The following ANKRD36C variants were observed in gnomAD, a reference collection of about 807,000 sequenced individuals.
ANKRD36C encodes the protein ankyrin repeat domain-containing protein 36C.
Under a neutral mutation model 276.4 loss-of-function variants are expected in ANKRD36C, and 61 were observed. That is an observed-to-expected ratio of 0.22 (90% CI 0.18 to 0.27). The LOEUF is 0.27. ANKRD36C is among the 10% of genes least tolerant of loss of function. The pLI, the probability that ANKRD36C is intolerant of heterozygous loss-of-function variation, is 1.00. For synonymous variants in ANKRD36C, 483 were observed against 680.1 expected, an observed-to-expected ratio of 0.71 and a Z score of 4.51; for missense variants, 1,447 against 2,032.3, an observed-to-expected ratio of 0.71 and a Z score of 5.54.
At chr2:95,913,904 T>C (rs1677009305) in intron 40 of ANKRD36C, among the ~76,000 whole-genome samples, 1 of 151,444 alleles carries the variant, frequency 6.6e-6, no homozygotes, top group Admixed American at 6.6e-5. Flanking sequence ...AGTTTCAATG[T>C]GGGGAAATGT....
intron 42 of ANKRD36C, among the ~76,000 whole-genome samples, chr2:95,903,393 G>A (rs190105218): frequency 6.6e-6 from 1 of 150,620 alleles, no homozygotes; most frequent in African/African-American, 2.4e-5. Flanking sequence ...AAAATCAGAG[G>A]AGCAACACAT....
At chr2:95,870,599 G>C (rs1257023908) in intron 59 of ANKRD36C, among the ~76,000 whole-genome samples, 2 of 152,140 alleles carry the variant, frequency 1.3e-5, no homozygotes, top group East Asian at 3.9e-4. Flanking sequence ...ACTCTAAAAA[G>C]CAGAGCGCCT....
chr2:95,902,666 C>T (rs1417394961), intron 42 of ANKRD36C, among the ~76,000 whole-genome samples: 4 of 150,360 alleles, frequency 2.7e-5, no homozygotes, highest in African/African-American at 9.7e-5. Flanking sequence ...CATATTTCTT[C>T]TTCCCAATTT....
chr2:95,886,514 G>A (rs1436894456), intron 50 of ANKRD36C, among the ~76,000 whole-genome samples: 1 of 151,624 alleles, frequency 6.6e-6, no homozygotes, highest in Non-Finnish European at 1.5e-5. Context: ...ATTTCAATAA[G>A]GATATGCCGA....
chr2:95,859,020 T>G (rs561441416), intron 61 of ANKRD36C, among the ~76,000 whole-genome samples: 2 of 152,230 alleles, frequency 1.3e-5, no homozygotes, highest in South Asian at 4.1e-4. Context: ...TCCCTACATA[T>G]TAAGAATAAA....
At chr2:95,965,897 T>A (rs538499982) in intron 6 of ANKRD36C, among the ~76,000 whole-genome samples, 77 of 152,252 alleles carry the variant, frequency 5.1e-4, no homozygotes, top group Middle Eastern at 6.8e-3. Flanking sequence ...TATCTAGGAA[T>A]ATGCACATAT....
At chr2:95,951,797 A>G (rs1248807040) in intron 14 of ANKRD36C, among the ~76,000 whole-genome samples, 19 of 58,356 alleles carry the variant, frequency 3.3e-4, no homozygotes, top group South Asian at 1.8e-3. Flanking sequence ...ATGCATGATG[A>G]TGTATGTTTG....
At chr2:95,930,378 T>C (rs1677532009) in intron 24 of ANKRD36C, among the ~76,000 whole-genome samples, 3 of 151,522 alleles carry the variant, frequency 2.0e-5, no homozygotes, top group Non-Finnish European at 4.4e-5. Context: ...TCATCCCTTA[T>C]GCAAATATTC....
chr2:95,893,453 C>T (rs1367143849), intron 44 of ANKRD36C, 80 bp downstream of exon 64: 6 of 1,514,156 alleles, frequency 4.0e-6, no homozygotes, highest in African/African-American at 1.4e-5. Context: ...CTTCGACGAG[C>T]CCCCCGCTGA....
intron 60 of ANKRD36C, among the ~76,000 whole-genome samples, chr2:95,861,190 GGTT>G (rs1675570017): frequency 6.6e-6 from 1 of 151,670 alleles, no homozygotes; most frequent in Non-Finnish European, 1.5e-5. Context: ...AGGCAGGGAA[GGTT>G]TTTTTTTAAA....
At chr2:95,984,868 T>C (rs1175469018) in intron 3 of ANKRD36C, among the ~76,000 whole-genome samples, 3 of 152,216 alleles carry the variant, frequency 2.0e-5, no homozygotes, top group African/African-American at 7.2e-5. Context: ...GCTCTAATAA[T>C]GACCTATATG....
exon 40 of ANKRD36C, chr2:95,914,177 T>C (rs751123683): frequency 6.3e-6 from 10 of 1,584,380 alleles, no homozygotes; most frequent in Admixed American, 5.3e-5. Context: ...TCGTCACTTG[T>C]AGCCTGAATG....
At chr2:95,931,225 T>C (rs914686936) in intron 24 of ANKRD36C, among the ~76,000 whole-genome samples, 21 of 151,656 alleles carry the variant, frequency 1.4e-4, no homozygotes, top group African/African-American at 1.2e-4. Flanking sequence ...TTGACTAACA[T>C]GTACAAATTC....
At chr2:95,892,857 C>T (rs887544049) in intron 44 of ANKRD36C, among the ~76,000 whole-genome samples, 8 of 151,266 alleles carry the variant, frequency 5.3e-5, no homozygotes, top group African/African-American at 1.9e-4. Context: ...AAACATGTAT[C>T]TCTGATGCCT....
intron 13 of ANKRD36C, among the ~76,000 whole-genome samples, chr2:95,955,335 C>T (rs1003010432): frequency 6.6e-5 from 10 of 152,264 alleles, no homozygotes; most frequent in African/African-American, 2.2e-4. Flanking sequence ...TGAAGTTTGT[C>T]AGTTCCTCCA....
At chr2:95,933,538 A>G (rs566020068) in intron 24 of ANKRD36C, among the ~76,000 whole-genome samples, 1 of 152,170 alleles carries the variant, frequency 6.6e-6, no homozygotes, top group Non-Finnish European at 1.5e-5. Context: ...CTTTGTAGCA[A>G]TTGTGAATGG....
At chr2:95,925,401 A>G (rs771764711) in exon 30 of ANKRD36C, 18 of 1,564,420 alleles carry the variant, frequency 1.2e-5, no homozygotes, top group Non-Finnish European at 1.4e-5. Flanking sequence ...TATTCAAAAG[A>G]GAAACTTTCT....
At chr2:95,851,634 C>G (rs371337269) in intron 66 of ANKRD36C, 60 bp downstream of exon 86, 9 of 1,346,122 alleles carry the variant, frequency 6.7e-6, no homozygotes, top group Non-Finnish European at 8.2e-6. Context: ...ATATTTAACC[C>G]GTCCTACTGG....
chr2:95,961,291 C>A (rs1678454143), intron 8 of ANKRD36C, among the ~76,000 whole-genome samples: 1 of 151,990 alleles, frequency 6.6e-6, no homozygotes, highest in South Asian at 2.1e-4. Context: ...CTTTTATCCT[C>A]TAGTTTAGCC....
Sources: gnomAD v4.1 joint callset for allele counts (sites outside exome capture counted in the v4.1 genomes callset) on GRCh38, gnomAD v4.1.1 for gene constraint, MANE v1.5 for transcripts, NCBI Gene and HGNC (gene_info 2026-07-23, HGNC 2026-07-21) for gene names.